Variants in CHST11 observed in about 807,000 individuals in gnomAD.
CHST11 encodes the protein carbohydrate sulfotransferase 11.
CHST11 carries 9 observed loss-of-function variants against 30.4 expected under a neutral mutation model. The observed-to-expected ratio is 0.30, with a 90% CI of 0.18 to 0.52. CHST11 has a LOEUF of 0.52. Ranked by LOEUF, CHST11 falls within the 20% of genes least tolerant of loss-of-function variation. The pLI is 0.97. For missense variants in CHST11, 348 were observed against 460.6 expected (o/e 0.76, Z 2.24); for synonymous variants, 152 against 187.8 (o/e 0.81, Z 1.56).
chr12:104,706,973 A>G (rs1181145007), intron 2 of CHST11, among the ~76,000 whole-genome samples: 4 of 152,104 alleles, frequency 2.6e-5, no homozygotes, highest in Admixed American at 6.5e-5. Flanking sequence ...GGCGGCATAG[A>G]CTGGAAAGAA....
At chr12:104,672,825 T>G (rs2039708376) in intron 2 of CHST11, among the ~76,000 whole-genome samples, 1 of 152,266 alleles carries the variant, frequency 6.6e-6, no homozygotes, top group African/African-American at 2.4e-5. Flanking sequence ...TCTGTTCTCC[T>G]GCTGCCACCA....
intron 1 of CHST11, among the ~76,000 whole-genome samples, chr12:104,519,986 T>G (rs1201465453): frequency 6.6e-6 from 1 of 152,138 alleles, no homozygotes; most frequent in Non-Finnish European, 1.5e-5. Flanking sequence ...GTGTGTTTAA[T>G]TTAGGAGGCA....
intron 2 of CHST11, among the ~76,000 whole-genome samples, chr12:104,606,403 A>G (rs1298406486): frequency 6.6e-6 from 1 of 152,118 alleles, no homozygotes; most frequent in African/African-American, 2.4e-5. Flanking sequence ...ACAAATTACT[A>G]TTTACTAAAT....
chr12:104,642,401 T>C (rs1355775510), intron 2 of CHST11, among the ~76,000 whole-genome samples: 1 of 152,128 alleles, frequency 6.6e-6, no homozygotes, highest in Admixed American at 6.6e-5. Context: ...ACAAATTAAT[T>C]TGATTTTTTT....
chr12:104,584,925 C>G (rs2038787192), intron 1 of CHST11, among the ~76,000 whole-genome samples: 1 of 152,224 alleles, frequency 6.6e-6, no homozygotes, highest in Non-Finnish European at 1.5e-5. Flanking sequence ...TAAACATCAT[C>G]ATGGCTCCAG....
intron 2 of CHST11, among the ~76,000 whole-genome samples, chr12:104,626,630 G>A (rs543456548): frequency 1.3e-5 from 2 of 149,408 alleles, no homozygotes; most frequent in East Asian, 3.9e-4. Context: ...ATGTAAATGT[G>A]GTATTTCCTG....
intron 1 of CHST11, among the ~76,000 whole-genome samples, chr12:104,597,066 G>A (rs7977468): frequency 0.042 from 6,340 of 152,200 alleles, 356 homozygotes; most frequent in South Asian, 0.12. Flanking sequence ...ACAGGGAGTC[G>A]CCCAGAGAAC....
intron 2 of CHST11, among the ~76,000 whole-genome samples, chr12:104,705,274 G>T (rs930617272): frequency 6.6e-6 from 1 of 152,102 alleles, no homozygotes; most frequent in Non-Finnish European, 1.5e-5. Flanking sequence ...CCAGGCTTCG[G>T]CTCCAAATTC....
chr12:104,494,695 T>C (rs1166732268), intron 1 of CHST11, among the ~76,000 whole-genome samples: 1 of 152,080 alleles, frequency 6.6e-6, no homozygotes, highest in East Asian at 1.9e-4. Context: ...TGGGGTGGGG[T>C]GCGGGCTCAC....
chr12:104,694,257 A>G (rs1001807506), intron 2 of CHST11, among the ~76,000 whole-genome samples: 3 of 152,136 alleles, frequency 2.0e-5, no homozygotes, highest in Non-Finnish European at 4.4e-5. Context: ...TCCACTCTCC[A>G]GCCGCAGTCC....
intron 1 of CHST11, among the ~76,000 whole-genome samples, chr12:104,526,672 T>G (rs1018701281): frequency 6.6e-6 from 1 of 152,220 alleles, no homozygotes; most frequent in African/African-American, 2.4e-5. Flanking sequence ...ACTCGTGTTC[T>G]CAACCCACTG....
intron 2 of CHST11, among the ~76,000 whole-genome samples, chr12:104,641,804 C>A (rs776465997): frequency 3.2e-4 from 49 of 152,248 alleles, no homozygotes; most frequent in Non-Finnish European, 6.5e-4. Flanking sequence ...GGGCACTCAA[C>A]CTTCTGGGGG....
At position 104,465,111 on chromosome 12, in the gene CHST11, T is replaced by G. The variant is rs891919333; in HGVS notation, c.118+7582T>G. On this transcript the variant is annotated intron_variant, in intron 1 of 2. Transcript: ENST00000303694. ...CTTCTGAGGCCACCTCTGTAAATTG[T>G]GAAAGTACTTTATGTAAACTGTGGC... Among the ~76,000 whole-genome samples the G allele has an allele frequency of 2.8e-4, 42 of 152,206 alleles. 1 individual carries two copies. The highest frequency in any genetic ancestry group is 2.7e-3 in the Admixed American group (41 of 15,280).
intron 2 of CHST11, among the ~76,000 whole-genome samples, chr12:104,625,258 G>A (rs889420828): frequency 1.3e-5 from 2 of 152,198 alleles, no homozygotes; most frequent in African/African-American, 4.8e-5. Context: ...ATGTCCTTCT[G>A]TGTTAGTGCC....
chr12:104,534,767 G>A (rs1479606226), intron 1 of CHST11, among the ~76,000 whole-genome samples: 2 of 152,174 alleles, frequency 1.3e-5, no homozygotes, highest in Admixed American at 6.5e-5. Context: ...TGTGTAGGCT[G>A]ATTTCTTGGG....
intron 2 of CHST11, among the ~76,000 whole-genome samples, chr12:104,625,084 A>T (rs926599605): frequency 3.3e-5 from 5 of 152,236 alleles, no homozygotes; most frequent in Non-Finnish European, 7.3e-5. Flanking sequence ...TCATTCCATA[A>T]CACCAGGTGA....
At position 104,502,674 on chromosome 12, in the gene CHST11, A is replaced by G. The variant is rs76579609; in HGVS notation, c.118+45145A>G. ...CTACGTTCCAAGGAGCTCATGGTGC[A>G]ATTCAGACTGTCAAGTGCAAACTGA... On this transcript the variant is annotated intron_variant, in intron 1 of 2. Coordinates refer to ENST00000303694, the MANE Select transcript of CHST11 (RefSeq NM_018413.6). 2.4e-3 allele frequency among the ~76,000 whole-genome samples: 369 copies of G among 152,346 alleles called. 3 individuals are homozygous for G. The highest frequency in any genetic ancestry group is 4.3e-3 in the Non-Finnish European group (293 of 68,020).
At chr12:104,538,189 T>C (rs1592751826) in intron 1 of CHST11, among the ~76,000 whole-genome samples, 1 of 152,218 alleles carries the variant, frequency 6.6e-6, no homozygotes, top group Non-Finnish European at 1.5e-5. Context: ...GCTGTGGCAG[T>C]TTCTCAGACA....
At chr12:104,756,134 C>G (rs1465026025) in intron 2 of CHST11, among the ~76,000 whole-genome samples, 1 of 152,116 alleles carries the variant, frequency 6.6e-6, no homozygotes, top group East Asian at 1.9e-4. Flanking sequence ...TAATATTATT[C>G]CATTTATATA....
Sources: allele counts gnomAD v4.1 joint callset (sites outside exome capture counted in the v4.1 genomes callset), GRCh38; gene constraint gnomAD v4.1.1; transcripts MANE v1.5; gene names NCBI Gene and HGNC (gene_info 2026-07-23, HGNC 2026-07-21).